ZNF329: variants seen among roughly 807,000 people sequenced by gnomAD.
ZNF329 encodes zinc finger protein 329.
A neutral mutation model predicts 26.6 loss-of-function variants in ZNF329; 15 were observed. The ratio of observed to expected loss-of-function variants is 0.56; its 90% confidence interval spans 0.38 to 0.87. The LOEUF is 0.87. Among genes scored for constraint, ZNF329 ranks in the 40% least tolerant of loss-of-function variants. The probability of loss-of-function intolerance (pLI) is 0.00; values close to 1 mark genes in which losing one functional copy is unlikely to be tolerated. For synonymous variants in ZNF329, 239 were observed against 233.5 expected (o/e 1.02, Z -0.21); for missense variants, 651 against 651.9 (o/e 1.00, Z 0.02).
rs557156046 is a variant in ZNF329 at position 58,147,593 on chromosome 19, G to A, written c.-208+3159C>T. On this transcript the variant is annotated intron_variant, in intron 1 of 3. Transcript: ENST00000598312. ...GCCAGCCGCCCCGTCCGGGAGGGAG[G>A]TGGGGGGGTCAGCCCTCCGCCTGGC... Among the ~76,000 whole-genome samples, 53 of 144,952 alleles carry A rather than the reference G, an allele frequency of 3.7e-4. 2 individuals are homozygous for A. The highest frequency in any genetic ancestry group is 1.3e-3 in the African/African-American group (47 of 37,344).
chr19:58,144,691 G>T (rs898586093), intron 1 of ZNF329, among the ~76,000 whole-genome samples: 74 of 137,652 alleles, frequency 5.4e-4, no homozygotes, highest in African/African-American at 1.7e-3. Context: ...GCCCAGCCAA[G>T]AATTTTTTTT....
rs899804868 is a variant in ZNF329 at position 58,150,784 on chromosome 19, G to A, written c.-240C>T. 6.5e-6 allele frequency: 1 copy of A among 152,738 alleles called. No individual in the cohort carries two copies. Among genetic ancestry groups the A allele is most frequent in the Non-Finnish European group, 1.5e-5 (1 of 68,070 alleles). 9.5% of individuals were successfully genotyped at this position (152,738 alleles called of 1,614,324 possible). A position where few individuals can be genotyped will look rare whatever the true frequency, so the allele number is the denominator to read the frequency against. ...GGCCGGCGGCAGCCATGTTCCGGGCGATTGCGCTTGCGCGGCTGCCGGGAC... is the reference window on the plus strand; with the variant it reads ...GGCCGGCGGCAGCCATGTTCCGGGCAATTGCGCTTGCGCGGCTGCCGGGAC... On this transcript the variant is annotated 5_prime_UTR_variant, in exon 1 of 4. Coordinates refer to ENST00000598312, the MANE Select transcript of ZNF329 (RefSeq NM_024620.4).
At chr19:58,130,029 C>T (rs945872961) in intron 3 of ZNF329, among the ~76,000 whole-genome samples, 5 of 152,196 alleles carry the variant, frequency 3.3e-5, no homozygotes, top group Non-Finnish European at 5.9e-5. Flanking sequence ...TTAGAACTGT[C>T]AATGACCTGG....
chr19:58,141,223 T>G, intron 3 of ZNF329, among the ~76,000 whole-genome samples: 1 of 151,864 alleles, frequency 6.6e-6, no homozygotes, highest in East Asian at 1.9e-4. Flanking sequence ...CTTGAACTCC[T>G]GGGCTCAAGC....
rs1442787891 is a variant in ZNF329 at position 58,126,297 on chromosome 19, T to C, written c.*1581A>G. The C allele has an allele frequency of 6.6e-6, 1 of 152,210 alleles. No individual in the cohort carries two copies. The highest frequency in any genetic ancestry group is 1.5e-5 in the Non-Finnish European group (1 of 68,048). 9.4% of individuals were successfully genotyped at this position (152,210 alleles called of 1,614,324 possible). ...TACCAAATTATTATGCCAACAAGTA[T>C]CTGTAACAGAGAAAAAAATATGATA... is the stretch of plus-strand genomic sequence containing the variant. On this transcript the variant is annotated 3_prime_UTR_variant, in exon 4 of 4. Transcript: ENST00000598312.
At chr19:58,148,672 G>A (rs563158421) in intron 1 of ZNF329, among the ~76,000 whole-genome samples, 65 of 152,262 alleles carry the variant, frequency 4.3e-4, no homozygotes, top group Admixed American at 1.8e-3. Context: ...GGGCAACATA[G>A]TGAGATCTCA....
At chr19:58,150,545 C>T (rs2075428155) in intron 1 of ZNF329, among the ~76,000 whole-genome samples, 1 of 152,266 alleles carries the variant, frequency 6.6e-6, no homozygotes, top group Non-Finnish European at 1.5e-5. Flanking sequence ...ACCCCAATCG[C>T]CACGGAGCGT....
Position 58,128,890 on chromosome 19 carries a change from C to G in ZNF329, c.614G>C (p.Cys205Ser). ...TTTGAAGCATTTGCCACATTCAGTA[C>G]ATCTATATTGTTTCTCTCCAGGGAG... is the stretch of plus-strand genomic sequence containing the variant. ...RNLPGEKQYR[C>S]TECGKCFKRN... The change falls in exon 4 of 4, where the codon TGT (cysteine) becomes TCT (serine). Residue 205 changes from cysteine to serine, a missense_variant. Cys to Ser is a moderately radical substitution (Grantham distance 112). Coordinates refer to ENST00000598312, the MANE Select transcript of ZNF329 (RefSeq NM_024620.4). 6.2e-7 allele frequency: 1 copy of G among 1,614,076 alleles called. No homozygotes were observed. Among genetic ancestry groups the G allele is most frequent in the Non-Finnish European group, 8.5e-7 (1 of 1,180,008 alleles).
rs1568657405 is a variant in ZNF329 at position 58,129,008 on chromosome 19, T to G, written c.496A>C (p.Lys166Gln). ...GATTTCTTGCCTCTTTTCATTATTT[T>G]CTGATGACCAAGAGAGGTAAAATGA... ...FNHFTSLGHQ[K>Q]IMKRGKKSYE... Residue 166 changes from lysine to glutamine, a missense_variant, in exon 4 of 4, where the codon AAA (lysine) becomes CAA (glutamine). Physicochemically the swap from Lys to Gln is moderately conservative, Grantham distance 53 (BLOSUM62 1). Transcript: ENST00000598312. The G allele has an allele frequency of 6.2e-7, 1 of 1,613,106 alleles. No individual in the cohort carries two copies. Among genetic ancestry groups the G allele is most frequent in the Non-Finnish European group, 8.5e-7 (1 of 1,179,310 alleles).
At chr19:58,131,730 C>A (rs2074948627) in intron 3 of ZNF329, among the ~76,000 whole-genome samples, 1 of 151,946 alleles carries the variant, frequency 6.6e-6, no homozygotes, top group East Asian at 1.9e-4. Flanking sequence ...ATAGAAATGT[C>A]CTGAAAACAT....
intron 3 of ZNF329, among the ~76,000 whole-genome samples, chr19:58,139,174 A>C (rs945495780): frequency 4.6e-5 from 7 of 152,170 alleles, no homozygotes; most frequent in Non-Finnish European, 8.8e-5. Flanking sequence ...AGGAATGTCC[A>C]TTTCATCCAT....
chr19:58,129,946 TG>T (rs2074899855), intron 3 of ZNF329, among the ~76,000 whole-genome samples: 1 of 152,212 alleles, frequency 6.6e-6, no homozygotes, highest in Admixed American at 6.5e-5. Flanking sequence ...ACCCCAGCTC[TG>T]TCATCAAAGT....
intron 1 of ZNF329, among the ~76,000 whole-genome samples, chr19:58,145,137 C>A (rs1040864279): frequency 2.0e-5 from 3 of 151,010 alleles, no homozygotes; most frequent in African/African-American, 7.4e-5. Context: ...GCGTGAGCCA[C>A]CGCGCCTGGC....
intron 1 of ZNF329, among the ~76,000 whole-genome samples, chr19:58,145,656 TAAAG>T (rs1013952566): frequency 6.6e-5 from 10 of 151,754 alleles, no homozygotes; most frequent in Non-Finnish European, 1.3e-4. Context: ...GCACAAAACA[TAAAG>T]AAAAAGATTT....
At chr19:58,139,191 T>C (rs373694921) in intron 3 of ZNF329, among the ~76,000 whole-genome samples, 79 of 152,172 alleles carry the variant, frequency 5.2e-4, no homozygotes, top group Non-Finnish European at 9.3e-4. Context: ...CCATAACAGA[T>C]ACTTCCTTTG....
At chr19:58,136,226 T>C (rs2075062743) in intron 3 of ZNF329, among the ~76,000 whole-genome samples, 1 of 142,006 alleles carries the variant, frequency 7.0e-6, no homozygotes, top group East Asian at 2.1e-4. Flanking sequence ...CGAGACTCCA[T>C]CTCAAAAAAA....
At chr19:58,141,368 A>C (rs2075183766) in intron 3 of ZNF329, among the ~76,000 whole-genome samples, 1 of 151,584 alleles carries the variant, frequency 6.6e-6, no homozygotes, top group Non-Finnish European at 1.5e-5. Flanking sequence ...GAGCGATCTC[A>C]GCTCACTGCA....
At chr19:58,154,393 C>T (rs947420207), upstream of ZNF329, among the ~76,000 whole-genome samples, 4 of 152,158 alleles carry the variant, frequency 2.6e-5, no homozygotes, top group Admixed American at 2.6e-4. Flanking sequence ...AGCACTTGCG[C>T]CCAGGGATAA....
chr19:58,135,100 A>G (rs1041261770), intron 3 of ZNF329, among the ~76,000 whole-genome samples: 1 of 152,164 alleles, frequency 6.6e-6, no homozygotes, highest in African/African-American at 2.4e-5. Flanking sequence ...TAAATTTTAA[A>G]AAATGTTTTA....
Sources: allele counts gnomAD v4.1 joint callset (sites outside exome capture counted in the v4.1 genomes callset), GRCh38; gene constraint gnomAD v4.1.1; transcripts MANE v1.5; gene names NCBI Gene and HGNC (gene_info 2026-07-23, HGNC 2026-07-21).